Variants in PRKAG2 observed in about 807,000 individuals in gnomAD.
PRKAG2 encodes the protein protein kinase AMP-activated non-catalytic subunit gamma 2.
In PRKAG2, 26 loss-of-function variants were observed where a neutral mutation model predicts 69.6. That is an observed-to-expected ratio of 0.37 (90% confidence interval 0.27 to 0.52). The LOEUF (loss-of-function observed/expected upper bound fraction) is 0.52. Among genes scored for constraint, PRKAG2 ranks in the 20% least tolerant of loss-of-function variants. The pLI, the probability that PRKAG2 is intolerant of heterozygous loss-of-function variation, is 0.90. For missense variants in PRKAG2, 557 were observed against 740.0 expected (o/e 0.75, Z 2.87); for synonymous variants, 293 against 285.0 (o/e 1.03, Z -0.28).
chr7:151,570,086 G>A, intron 10 of PRKAG2, 85 bp downstream of exon 10: 2 of 1,474,730 alleles, frequency 1.4e-6, no homozygotes, highest in Non-Finnish European at 1.9e-6. Context: ...TGAAGAACAT[G>A]TTTATTTGTG....
In PRKAG2 at chr7:151,583,614, A is replaced by G. The variant is rs1810988325; in HGVS notation, c.865-7162T>C. Among the ~76,000 whole-genome samples the G allele has an allele frequency of 6.6e-6, 1 of 152,208 alleles. No individual in the cohort carries two copies. Among genetic ancestry groups the G allele is most frequent in the Non-Finnish European group, 1.5e-5 (1 of 68,028 alleles). On this transcript the variant is annotated intron_variant, in intron 6 of 15. Coordinates refer to ENST00000287878, the MANE Select transcript of PRKAG2 (RefSeq NM_016203.4). This position sits in a 1 kb window ranked among gnomAD's most constrained non-coding sequence, Gnocchi z 4.1. ...AATTATAGACGGCACAGGGTGTTCCAATTAACCAATAAACAGGATACAAAG... is the reference window on the plus strand; with the variant it reads ...AATTATAGACGGCACAGGGTGTTCCGATTAACCAATAAACAGGATACAAAG...
intron 3 of PRKAG2, among the ~76,000 whole-genome samples, chr7:151,747,783 T>C (rs574482926): frequency 3.9e-5 from 6 of 152,284 alleles, no homozygotes; most frequent in South Asian, 2.1e-4. Flanking sequence ...CTCTTTCAGA[T>C]TGGCTTTATC....
intron 4 of PRKAG2, among the ~76,000 whole-genome samples, chr7:151,669,204 C>T (rs1831462008): frequency 6.6e-6 from 1 of 152,220 alleles, no homozygotes; most frequent in African/African-American, 2.4e-5. Flanking sequence ...CCATCACCTC[C>T]ATTCTTCTAG....
chr7:151,558,555 T>C, intron 15 of PRKAG2: 7 of 922,848 alleles, frequency 7.6e-6, no homozygotes, highest in Non-Finnish European at 7.8e-6. Context: ...GGCCTCACGG[T>C]GGGGGCCTCC....
chr7:151,597,831 C>CCG (rs397765264), intron 5 of PRKAG2, among the ~76,000 whole-genome samples: 3 of 149,570 alleles, frequency 2.0e-5, no homozygotes, highest in Non-Finnish European at 3.0e-5. Flanking sequence ...CCCCCCCCCC[C>CCG]GCTCTTTTAT....
At chr7:151,795,377 G>C (rs2077444830) in intron 1 of PRKAG2, among the ~76,000 whole-genome samples, 1 of 152,134 alleles carries the variant, frequency 6.6e-6, no homozygotes, top group South Asian at 2.1e-4. Flanking sequence ...GTGTGGCCTG[G>C]GCTGCAGGTT....
Position 151,848,512 on chromosome 7 carries a change from C to CTTTTTTTTTTTTT in PRKAG2, c.114+27982_114+27994dup, listed in dbSNP as rs1158559692. Among the ~76,000 whole-genome samples the CTTTTTTTTTTTTT allele has an allele frequency of 6.7e-4, 42 of 62,250 alleles. 10 individuals are homozygous for CTTTTTTTTTTTTT. The highest frequency in any genetic ancestry group is 2.2e-3 in the African/African-American group (31 of 13,954). The allele number at this position is 62,250 out of a possible 152,430, so 40.8% of individuals were successfully genotyped here. A position where few individuals can be genotyped will look rare whatever the true frequency, so the allele number is the denominator to read the frequency against. ...AACAGATGAAGAAAATACTGCATGTCTTTTTTTTTTTTTTTTTTTTTTTTT... is the reference window on the plus strand; with the variant it reads ...AACAGATGAAGAAAATACTGCATGTCTTTTTTTTTTTTTTTTTTTTTTTTTTTTTTTTTTTTTT... On this transcript the variant is annotated intron_variant, in intron 1 of 15. Transcript: ENST00000287878.
intron 6 of PRKAG2, 86 bp downstream of exon 6, chr7:151,595,259 G>C (rs1814192568): frequency 2.2e-6 from 2 of 926,636 alleles, no homozygotes; most frequent in Non-Finnish European, 3.4e-6. Context: ...ATAAACGTTT[G>C]CTGGCATTGC....
intron 1 of PRKAG2, among the ~76,000 whole-genome samples, chr7:151,821,053 G>GTAGAAGAGAGC (rs1216334379): frequency 7.9e-5 from 12 of 151,878 alleles, no homozygotes; most frequent in African/African-American, 2.4e-4. Context: ...CAGAAGGAAA[G>GTAGAAGAGAGC]CTGTGGAGAC....
At position 151,802,962 on chromosome 7, in the gene PRKAG2, A is replaced by T. The variant is rs537480781; in HGVS notation, c.115-16421T>A. Among the ~76,000 whole-genome samples, 1,099 of 131,558 alleles carry T rather than the reference A, an allele frequency of 8.4e-3. 6 individuals are homozygous for T. The highest frequency in any genetic ancestry group is 0.02 in the Middle Eastern group (5 of 250). The allele number at this position is 131,558 out of a possible 152,430, so 86.3% of individuals were successfully genotyped here. Reference sequence around the variant, plus strand: ...TATAAGCAATATGATATATATATATATTTTTTTTTTTTTGAGACAGGGTCT... The same window carrying T: ...TATAAGCAATATGATATATATATATTTTTTTTTTTTTTTGAGACAGGGTCT... On this transcript the variant is annotated intron_variant, in intron 1 of 15. Coordinates refer to ENST00000287878, the MANE Select transcript of PRKAG2 (RefSeq NM_016203.4).
chr7:151,864,100 G>A (rs1356542334), intron 1 of PRKAG2, among the ~76,000 whole-genome samples: 1 of 152,180 alleles, frequency 6.6e-6, no homozygotes, highest in Non-Finnish European at 1.5e-5. Flanking sequence ...GGAGCCCACA[G>A]CCCTTGTCTT....
chr7:151,814,831 T>A lies in PRKAG2; in HGVS notation c.115-28290A>T, dbSNP rs2078593717. On this transcript the variant is annotated intron_variant, in intron 1 of 15. Transcript: ENST00000287878. This position sits in a 1 kb window ranked among gnomAD's most constrained non-coding sequence, Gnocchi z 4.8. ...CCCCATTGACGGGACTGCAGCAAAC[T>A]GTCATTCCCACCTGTGTCAGGCGCT... 8.1e-7 allele frequency: 1 copy of A among 1,231,640 alleles called. No homozygotes were observed. The highest frequency in any genetic ancestry group is 4.1e-5 in the South Asian group (1 of 24,330). The allele number at this position is 1,231,640 out of a possible 1,614,324, so 76.3% of individuals were successfully genotyped here.
At chr7:151,821,789 T>C (rs768470313) in intron 1 of PRKAG2, among the ~76,000 whole-genome samples, 2 of 152,218 alleles carry the variant, frequency 1.3e-5, no homozygotes, top group South Asian at 2.1e-4. Context: ...TGCTGGGACG[T>C]TGGCTAAGTC....
intron 3 of PRKAG2, among the ~76,000 whole-genome samples, chr7:151,731,926 C>T (rs1799004446): frequency 6.6e-6 from 1 of 152,146 alleles, no homozygotes; most frequent in Non-Finnish European, 1.5e-5. Flanking sequence ...CAACCTCTGC[C>T]TTGTGGGCTC....
chr7:151,673,224 C>A (rs951765500), intron 4 of PRKAG2, among the ~76,000 whole-genome samples: 2 of 152,158 alleles, frequency 1.3e-5, no homozygotes, highest in South Asian at 4.1e-4. Context: ...TCAAATAAAT[C>A]GTGGTTTTCT....
At chr7:151,865,871 T>C (rs961661144) in intron 1 of PRKAG2, among the ~76,000 whole-genome samples, 20 of 151,754 alleles carry the variant, frequency 1.3e-4, no homozygotes, top group Admixed American at 1.3e-3. Context: ...ATACAAAAAA[T>C]TAGCTGGGTG....
chr7:151,561,619 C>T (rs943842557), intron 14 of PRKAG2, among the ~76,000 whole-genome samples: 5 of 152,196 alleles, frequency 3.3e-5, no homozygotes, highest in East Asian at 1.9e-4. Context: ...AGGAAGGGAG[C>T]GGCGTTGCTA....
chr7:151,680,496 A>T (rs1833711239), intron 3 of PRKAG2, among the ~76,000 whole-genome samples: 1 of 152,182 alleles, frequency 6.6e-6, no homozygotes. Flanking sequence ...GAAAGAAAGT[A>T]TCTATATTCT....
chr7:151,582,002 A>G (rs1374215030), intron 6 of PRKAG2, among the ~76,000 whole-genome samples: 1 of 152,240 alleles, frequency 6.6e-6, no homozygotes, highest in Non-Finnish European at 1.5e-5. Flanking sequence ...ATACGGGGTA[A>G]TAATACAGAC....
Sources: gnomAD v4.1 joint callset for allele counts (sites outside exome capture counted in the v4.1 genomes callset) on GRCh38, gnomAD v4.1.1 for gene constraint, Gnocchi (gnomAD v3.1) non-coding constraint, MANE v1.5 for transcripts, NCBI Gene and HGNC (gene_info 2026-07-23, HGNC 2026-07-21) for gene names.